GSDMC: variants seen among roughly 807,000 people sequenced by gnomAD.
The protein encoded by GSDMC is gasdermin-C.
A neutral mutation model predicts 58.0 loss-of-function variants in GSDMC; 59 were observed. That is an observed-to-expected ratio of 1.02 (90% CI 0.82 to 1.26). The LOEUF (loss-of-function observed/expected upper bound fraction) is 1.26. Ranked by LOEUF, GSDMC falls within the 50% of genes most tolerant of loss-of-function variation. GSDMC has a pLI of 0.00. For missense variants in GSDMC, 659 were observed against 598.5 expected (o/e 1.10, Z -1.06); for synonymous variants, 241 against 220.2 (o/e 1.09, Z -0.83).
chr8:129,764,313 G>A (rs1027387360), intron 4 of GSDMC, among the ~76,000 whole-genome samples: 2 of 152,180 alleles, frequency 1.3e-5, no homozygotes, highest in South Asian at 4.1e-4. Flanking sequence ...GGGGTCTCCA[G>A]TGGTTGGGGT....
chr8:129,755,379 T>C (rs1455745710), intron 6 of GSDMC, among the ~76,000 whole-genome samples: 4 of 152,016 alleles, frequency 2.6e-5, no homozygotes, highest in African/African-American at 9.7e-5. Flanking sequence ...AAAAATATCC[T>C]CCAAGGATGA....
the GSDMC span, among the ~76,000 whole-genome samples, chr8:129,726,701 C>T: frequency 1.3e-5 from 2 of 151,962 alleles, no homozygotes; most frequent in Non-Finnish European, 2.9e-5. Flanking sequence ...TGTGCGTGGA[C>T]GATTAGAGAA....
chr8:129,730,135 ATCTCACCCG>A, the GSDMC span: 1 of 979,678 alleles, frequency 1.0e-6, no homozygotes, highest in Non-Finnish European at 1.5e-6. Context: ...AACAAGAGAG[ATCTCACCCG>A]AAAAAATAAA....
rs1362043645 is a variant in GSDMC at position 129,748,672 on chromosome 8, G to A, written c.1356C>T (p.Leu452=). 1 of 1,608,542 alleles carries A rather than the reference G, an allele frequency of 6.2e-7. No homozygotes were observed. The highest frequency in any genetic ancestry group is 1.1e-5 in the South Asian group (1 of 90,038). Residue 452 remains leucine, a synonymous_variant, in exon 14 of 14, where the codon CTC becomes CTT. Transcript: ENST00000276708. ...AACCCTCACTCTGGAGTGGGGCGAG[G>A]AGCTCAGGTTTGAGGGTGAAGGGAA... The part of the protein sequence containing the change: ...WSIPFTLKPE[L]LAPLQSEGLA...
chr8:129,756,828 A>G (rs982635603), intron 6 of GSDMC, among the ~76,000 whole-genome samples: 1 of 152,184 alleles, frequency 6.6e-6, no homozygotes, highest in African/African-American at 2.4e-5. Flanking sequence ...GAAAACATTA[A>G]TAAGGAAATT....
chr8:129,751,711 T>C, intron 9 of GSDMC, 143 bp from the exon 10 acceptor site: 1 of 1,108,456 alleles, frequency 9.0e-7, no homozygotes, highest in Non-Finnish European at 1.4e-6. Flanking sequence ...TCCTCCATGT[T>C]CTCAGCTTTC....
At chr8:129,708,587 A>G in the GSDMC span, among the ~76,000 whole-genome samples, 1 of 152,246 alleles carries the variant, frequency 6.6e-6, no homozygotes, top group Non-Finnish European at 1.5e-5. Flanking sequence ...ACTGCTAGCC[A>G]TAGAAGGGCC....
At chr8:129,722,639 T>G in the GSDMC span, among the ~76,000 whole-genome samples, 1 of 152,216 alleles carries the variant, frequency 6.6e-6, no homozygotes, top group African/African-American at 2.4e-5. Flanking sequence ...ATTTTATTGA[T>G]GTCTATATCC....
At position 129,748,417 on chromosome 8, in the gene GSDMC, C is replaced by A. The variant is rs909413827; in HGVS notation, c.*84G>T. 2.3e-5 allele frequency: 32 copies of A among 1,369,602 alleles called. No homozygotes were observed. Among genetic ancestry groups the A allele is most frequent in the Non-Finnish European group, 3.1e-5 (31 of 1,014,770 alleles). 84.8% of individuals were successfully genotyped at this position (1,369,602 alleles called of 1,614,324 possible). A position where few individuals can be genotyped will look rare whatever the true frequency, so the allele number is the denominator to read the frequency against. ...CCTGGAAACGCAGAGAGGCACAGCC[C>A]TATCTCTTGCACCCATAAGGACACT... On this transcript the variant is annotated 3_prime_UTR_variant, in exon 14 of 14. Transcript: ENST00000276708.
chr8:129,721,836 T>C, the GSDMC span, among the ~76,000 whole-genome samples: 2 of 152,208 alleles, frequency 1.3e-5, no homozygotes, highest in East Asian at 1.9e-4. Context: ...GCAAACACTC[T>C]ATGAATGATC....
At chr8:129,752,568 G>A (rs1026964950) in intron 7 of GSDMC, 130 bp downstream of exon 7, 2 of 1,365,280 alleles carry the variant, frequency 1.5e-6, no homozygotes, top group Non-Finnish European at 2.0e-6. Context: ...TGCCAGAGGA[G>A]GATGAGCAAG....
chr8:129,779,098 C>T (rs1304514235), intron 1 of GSDMC, among the ~76,000 whole-genome samples: 1 of 152,164 alleles, frequency 6.6e-6, no homozygotes, highest in Non-Finnish European at 1.5e-5. Context: ...ACCCAGCAAG[C>T]TCATTACTGG....
At chr8:129,760,679 G>A in intron 5 of GSDMC, 90 bp from the exon 6 acceptor site, 1 of 629,376 alleles carries the variant, frequency 1.6e-6, no homozygotes, top group Non-Finnish European at 2.8e-6. Context: ...AAAACCACTG[G>A]GATGCCTGTT....
At chr8:129,729,243 T>C in the GSDMC span, 1 of 634,284 alleles carries the variant, frequency 1.6e-6, no homozygotes, top group Non-Finnish European at 3.0e-6. Flanking sequence ...CCAAGTGAAA[T>C]AGGTGGACTT....
chr8:129,777,603 T>A lies in GSDMC; in HGVS notation c.-4-12A>T. ...TGGAGGGCATGTTGCTAGGAGGAGA[T>A]GAAAGGAGAGCATCAGTTGGGAGAG... On this transcript the variant is annotated splice_polypyrimidine_tract_variant and intron_variant, in intron 1 of 13. Coordinates refer to ENST00000276708, the MANE Select transcript of GSDMC (RefSeq NM_031415.3). 1 of 1,398,044 alleles carries A rather than the reference T, an allele frequency of 7.2e-7. No homozygotes were observed. The highest frequency in any genetic ancestry group is 1.0e-6 in the Non-Finnish European group (1 of 988,654). The allele number at this position is 1,398,044 out of a possible 1,614,324, so 86.6% of individuals were successfully genotyped here. A position where few individuals can be genotyped will look rare whatever the true frequency, so the allele number is the denominator to read the frequency against.
chr8:129,759,976 T>C (rs2033594774), intron 6 of GSDMC, among the ~76,000 whole-genome samples: 1 of 152,124 alleles, frequency 6.6e-6, no homozygotes, highest in Non-Finnish European at 1.5e-5. Flanking sequence ...CATCAACAGA[T>C]GAATGTATAA....
At chr8:129,782,433 G>A (rs1223986643) in intron 1 of GSDMC, among the ~76,000 whole-genome samples, 1 of 151,914 alleles carries the variant, frequency 6.6e-6, no homozygotes, top group African/African-American at 2.4e-5. Flanking sequence ...AAGTTGCTTT[G>A]TTGAAAAGAT....
In GSDMC at chr8:129,776,230, C is replaced by T. The variant is rs376005048; in HGVS notation, c.276G>A (p.Lys92=). 10 of 1,613,880 alleles carry T rather than the reference C, an allele frequency of 6.2e-6. No individual in the cohort carries two copies. The highest frequency in any genetic ancestry group is 1.7e-5 in the Admixed American group (1 of 60,004). Residue 92 remains lysine, a synonymous_variant, in exon 3 of 14, where the codon AAG becomes AAA. Coordinates refer to ENST00000276708, the MANE Select transcript of GSDMC (RefSeq NM_031415.3). ...HFSDIMIQKH[K]ADMGVNVGIE... is the part of the protein sequence containing the mutation. Reference sequence around the variant, plus strand: ...TACCAACATTCACACCCATGTCAGCCTTATGCTTCTGGATCATAATGTCAC... The same window carrying T: ...TACCAACATTCACACCCATGTCAGCTTTATGCTTCTGGATCATAATGTCAC...
chr8:129,733,063 G>T, the GSDMC span, among the ~76,000 whole-genome samples: 1 of 152,220 alleles, frequency 6.6e-6, no homozygotes, highest in African/African-American at 2.4e-5. Flanking sequence ...CACTGCTAGC[G>T]CAGCAATCTG....
Sources: allele counts gnomAD v4.1 joint callset (sites outside exome capture counted in the v4.1 genomes callset), GRCh38; gene constraint gnomAD v4.1.1; transcripts MANE v1.5; gene names NCBI Gene and HGNC (gene_info 2026-07-23, HGNC 2026-07-21).